CCDC73: variants seen among roughly 807,000 people sequenced by gnomAD.
CCDC73 encodes coiled-coil domain-containing protein 73.
A neutral mutation model predicts 116.5 loss-of-function variants in CCDC73; 95 were observed. The ratio of observed to expected loss-of-function variants is 0.82; its 90% CI spans 0.69 to 0.97. The LOEUF is 0.97. Ranked by LOEUF, CCDC73 falls within the 50% of genes least tolerant of loss-of-function variation. CCDC73 has a pLI of 0.00. For missense variants in CCDC73, 1,066 were observed against 1,206.8 expected (o/e 0.88, Z 1.73); for synonymous variants, 398 against 401.3 (o/e 0.99, Z 0.10).
intron 1 of CCDC73, among the ~76,000 whole-genome samples, chr11:32,760,478 AG>A (rs1366325541): frequency 6.6e-6 from 1 of 152,222 alleles, no homozygotes; most frequent in African/African-American, 2.4e-5. Flanking sequence ...CTGGTAGCTG[AG>A]TACCCTCAAA....
At chr11:32,623,160 C>A (rs1855538536) in intron 14 of CCDC73, among the ~76,000 whole-genome samples, 1 of 151,986 alleles carries the variant, frequency 6.6e-6, no homozygotes, top group Non-Finnish European at 1.5e-5. Context: ...AGGCATGCCC[C>A]CACATGTGGC....
At chr11:32,827,372 A>G in the CCDC73 span, among the ~76,000 whole-genome samples, 38 of 152,306 alleles carry the variant, frequency 2.5e-4, no homozygotes, top group African/African-American at 7.0e-4. Context: ...CTAGGACTCA[A>G]TGTTACAGGG....
At chr11:32,705,882 C>T (rs1043597743) in intron 3 of CCDC73, among the ~76,000 whole-genome samples, 6 of 152,092 alleles carry the variant, frequency 3.9e-5, no homozygotes, top group African/African-American at 1.4e-4. Context: ...TATTGAGCCA[C>T]ATGGTATGCC....
At chr11:32,696,155 A>G (rs1856309202) in intron 6 of CCDC73, among the ~76,000 whole-genome samples, 1 of 152,120 alleles carries the variant, frequency 6.6e-6, no homozygotes, top group African/African-American at 2.4e-5. Context: ...TTCTTGCTAC[A>G]TCATTATTTT....
intron 3 of CCDC73, among the ~76,000 whole-genome samples, chr11:32,716,294 C>T (rs939945248): frequency 1.3e-5 from 2 of 151,960 alleles, no homozygotes; most frequent in Admixed American, 6.6e-5. Flanking sequence ...CCATTATTCC[C>T]CACTGATTTA....
intron 7 of CCDC73, chr11:32,682,304 A>G (rs1856152833): frequency 1.3e-5 from 2 of 152,000 alleles, no homozygotes; most frequent in South Asian, 4.1e-4. Flanking sequence ...TACAAATGTC[A>G]TGGTACTTAA....
chr11:32,788,467 G>A (rs532247269), intron 1 of CCDC73, among the ~76,000 whole-genome samples: 9 of 150,860 alleles, frequency 6.0e-5, no homozygotes, highest in Admixed American at 5.3e-4. Flanking sequence ...CAAATTTGAT[G>A]GTACAAATCT....
intron 1 of CCDC73, among the ~76,000 whole-genome samples, chr11:32,774,664 T>C (rs1716723602): frequency 6.6e-6 from 1 of 151,926 alleles, no homozygotes; most frequent in African/African-American, 2.4e-5. Flanking sequence ...ATTAAAAAAA[T>C]AAAAAAATAA....
At chr11:32,608,331 G>A (rs1855381513) in intron 17 of CCDC73, among the ~76,000 whole-genome samples, 2 of 152,168 alleles carry the variant, frequency 1.3e-5, no homozygotes, top group South Asian at 2.1e-4. Context: ...TACAAGGAGG[G>A]GTGGGGTACA....
chr11:32,739,136 C>T (rs1478127014), intron 2 of CCDC73, among the ~76,000 whole-genome samples: 1 of 152,132 alleles, frequency 6.6e-6, no homozygotes, highest in Admixed American at 6.6e-5. Flanking sequence ...GTGATTCCTG[C>T]AGTTCTGTTC....
chr11:32,772,337 T>C (rs573482753), intron 1 of CCDC73, among the ~76,000 whole-genome samples: 1 of 152,148 alleles, frequency 6.6e-6, no homozygotes, highest in South Asian at 2.1e-4. Context: ...TTAGTCAATA[T>C]TATAAAAAAC....
chr11:32,741,545 C>T lies in CCDC73; in HGVS notation c.135+18564G>A, dbSNP rs557602250. 2.0e-5 allele frequency among the ~76,000 whole-genome samples: 3 copies of T among 151,798 alleles called. No individual in the cohort carries two copies. The East Asian group carries it at 5.8e-4, about 29-fold the overall frequency. ...CATTTGCATGGAATATCTTTTTCAT[C>T]CCTTTATTTTTAGTCTATGTGTGAC... On this transcript the variant is annotated intron_variant, in intron 2 of 17. Coordinates refer to ENST00000335185, the MANE Select transcript of CCDC73 (RefSeq NM_001008391.4).
chr11:32,662,466 A>C (rs949591059), intron 9 of CCDC73, among the ~76,000 whole-genome samples: 9 of 151,508 alleles, frequency 5.9e-5, no homozygotes, highest in African/African-American at 1.9e-4. Context: ...TGTGTCTGTT[A>C]GCTGCATAAA....
chr11:32,627,356 T>C (rs1367823734), intron 14 of CCDC73, among the ~76,000 whole-genome samples: 3 of 152,186 alleles, frequency 2.0e-5, no homozygotes, highest in Non-Finnish European at 4.4e-5. Flanking sequence ...ATAGGAACAC[T>C]TTTACGCTGT....
intron 14 of CCDC73, among the ~76,000 whole-genome samples, chr11:32,623,564 G>C (rs145927137): frequency 6.6e-6 from 1 of 152,122 alleles, no homozygotes. Context: ...ATGTTCTCCA[G>C]ACAGGTCTTG....
At chr11:32,620,875 C>A (rs1855517866) in intron 14 of CCDC73, among the ~76,000 whole-genome samples, 2 of 151,942 alleles carry the variant, frequency 1.3e-5, no homozygotes, top group South Asian at 2.1e-4. Context: ...TTCCTATATG[C>A]CAACAATAGA....
At chr11:32,683,840 G>T (rs1390973225) in intron 6 of CCDC73, among the ~76,000 whole-genome samples, 1 of 152,092 alleles carries the variant, frequency 6.6e-6, no homozygotes, top group East Asian at 1.9e-4. Context: ...ATAAGTAAAA[G>T]GTATGCATGT....
At chr11:32,730,684 T>A (rs1850067933) in intron 2 of CCDC73, among the ~76,000 whole-genome samples, 1 of 152,220 alleles carries the variant, frequency 6.6e-6, no homozygotes, top group African/African-American at 2.4e-5. Context: ...CTTGAAACTC[T>A]GGGTGGTAGG....
At chr11:32,784,342 G>C (rs1341949426) in intron 1 of CCDC73, among the ~76,000 whole-genome samples, 1 of 148,114 alleles carries the variant, frequency 6.8e-6, no homozygotes, top group Non-Finnish European at 1.5e-5. Context: ...AAAAAAAAAA[G>C]AAAGCAATGG....
Sources: allele counts gnomAD v4.1 joint callset (sites outside exome capture counted in the v4.1 genomes callset), GRCh38; gene constraint gnomAD v4.1.1; transcripts MANE v1.5; gene names NCBI Gene and HGNC (gene_info 2026-07-23, HGNC 2026-07-21).